Variants in LARP1B observed in about 807,000 individuals in gnomAD.
LARP1B encodes the protein la-related protein 1B.
In LARP1B, 76 loss-of-function variants were observed where a neutral mutation model predicts 114.2. The ratio of observed to expected loss-of-function variants is 0.67; its 90% CI spans 0.55 to 0.81. The LOEUF is 0.81. Ranked by LOEUF, LARP1B falls within the 30% of genes least tolerant of loss-of-function variation. The probability of loss-of-function intolerance (pLI) is 0.00; values close to 1 mark genes in which losing one functional copy is unlikely to be tolerated. For missense variants in LARP1B, 1,014 were observed against 1,075.8 expected (o/e 0.94, Z 0.80); for synonymous variants, 345 against 348.0 (o/e 0.99, Z 0.10).
intron 11 of LARP1B, among the ~76,000 whole-genome samples, chr4:128,133,874 T>C (rs1197969105): frequency 6.6e-6 from 1 of 152,074 alleles, no homozygotes; most frequent in African/African-American, 2.4e-5. Flanking sequence ...TGTTTGTATT[T>C]TTAGTAGAAA....
chr4:128,092,560 C>A (rs1580215025), intron 7 of LARP1B, among the ~76,000 whole-genome samples: 1 of 152,124 alleles, frequency 6.6e-6, no homozygotes, highest in East Asian at 1.9e-4. Flanking sequence ...TGAAATTTTT[C>A]TCTCCTTACA....
intron 1 of LARP1B, among the ~76,000 whole-genome samples, chr4:128,062,570 C>T (rs1035746849): frequency 7.4e-6 from 1 of 134,956 alleles, no homozygotes; most frequent in African/African-American, 2.7e-5. Flanking sequence ...TGCAGTGCTT[C>T]GTATGGGAAA....
intron 15 of LARP1B, among the ~76,000 whole-genome samples, chr4:128,187,242 C>G (rs1750672136): frequency 6.6e-6 from 1 of 152,206 alleles, no homozygotes; most frequent in African/African-American, 2.4e-5. Flanking sequence ...TCCTCAGCCT[C>G]GAAAAGCCAC....
intron 11 of LARP1B, among the ~76,000 whole-genome samples, chr4:128,144,471 C>A (rs1729450470): frequency 6.6e-6 from 1 of 151,922 alleles, no homozygotes; most frequent in Non-Finnish European, 1.5e-5. Context: ...ATATGTTATA[C>A]TATTTGATAA....
chr4:128,211,006 A>G lies in LARP1B; in HGVS notation c.*953A>G, dbSNP rs1758888418. 2 of 921,032 alleles carry G rather than the reference A, an allele frequency of 2.2e-6. No individual in the cohort carries two copies. The highest frequency in any genetic ancestry group is 1.0e-4 in the South Asian group (2 of 19,898). The allele number at this position is 921,032 out of a possible 1,614,324, so 57.1% of individuals were successfully genotyped here. On this transcript the variant is annotated 3_prime_UTR_variant, in exon 20 of 20. Coordinates refer to ENST00000326639, the MANE Select transcript of LARP1B (RefSeq NM_018078.4). ...TTACCTTTTTGTTTATTTTTTGTTT[A>G]ATTTTGTTTTTATAAATGTTTTCAA...
intron 8 of LARP1B, among the ~76,000 whole-genome samples, chr4:128,099,883 C>T (rs1474044134): frequency 1.3e-5 from 2 of 152,110 alleles, no homozygotes; most frequent in Non-Finnish European, 2.9e-5. Context: ...GGACTTGTTC[C>T]TCAGCCTTAT....
At chr4:128,222,358 G>T in exon 8 of LARP1B, 1 of 456,526 alleles carries the variant, frequency 2.2e-6, no homozygotes, top group South Asian at 1.5e-5. Flanking sequence ...GAATCACCAT[G>T]ATCGATTACT....
intron 11 of LARP1B, chr4:128,122,774 A>AT (rs937846507): frequency 3.1e-5 from 36 of 1,162,792 alleles, no homozygotes; most frequent in Admixed American, 1.8e-4. Flanking sequence ...TCTTGTTCTA[A>AT]TTTTTTTTAA....
chr4:128,222,074 A>G (rs1177238548), intron 7 of LARP1B, among the ~76,000 whole-genome samples: 1 of 152,208 alleles, frequency 6.6e-6, no homozygotes, highest in Non-Finnish European at 1.5e-5. Context: ...AAATTAATCT[A>G]CTTAAAACAT....
intron 8 of LARP1B, among the ~76,000 whole-genome samples, chr4:128,098,743 A>ATGTGTGTGTG (rs201554291): frequency 2.5e-4 from 6 of 24,350 alleles, no homozygotes; most frequent in East Asian, 7.9e-4. Flanking sequence ...CTGTATATGT[A>ATGTGTGTGTG]TGTGTATATA....
chr4:128,179,059 C>T (rs747597700), intron 14 of LARP1B, among the ~76,000 whole-genome samples: 1 of 152,168 alleles, frequency 6.6e-6, no homozygotes, highest in African/African-American at 2.4e-5. Flanking sequence ...TGCCACTGCA[C>T]TCCAGCCTTG....
At chr4:128,190,944 A>G (rs1158483009) in intron 15 of LARP1B, among the ~76,000 whole-genome samples, 1 of 151,926 alleles carries the variant, frequency 6.6e-6, no homozygotes, top group Non-Finnish European at 1.5e-5. Flanking sequence ...TGGCTCTTAC[A>G]TTTGTTCTTT....
At position 128,094,010 on chromosome 4, in the gene LARP1B, C is replaced by CT. The variant is rs976109697; in HGVS notation, c.668+2509dup. ...ACAGGCGTGAACCACCGTGCCTGAC[C>CT]TTTTTTTTTTTAAAAACATTTTAAA... On this transcript the variant is annotated intron_variant, in intron 7 of 19. Transcript: ENST00000326639. Among the ~76,000 whole-genome samples, 851 of 146,728 alleles carry CT rather than the reference C, an allele frequency of 5.8e-3. 6 individuals carry two copies. The highest frequency in any genetic ancestry group is 0.017 in the African/African-American group (701 of 40,132).
intron 11 of LARP1B, chr4:128,155,297 G>A (rs1734959079): frequency 2.1e-6 from 1 of 484,106 alleles, no homozygotes; most frequent in African/African-American, 2.0e-5. Flanking sequence ...GCACAGTAGA[G>A]GGCCAAGACA....
chr4:128,172,257 G>A (rs1262221209), intron 12 of LARP1B, among the ~76,000 whole-genome samples: 1 of 151,650 alleles, frequency 6.6e-6, no homozygotes, highest in African/African-American at 2.4e-5. Flanking sequence ...CCTATTTTAA[G>A]CACCTTAATT....
Position 128,122,115 on chromosome 4 carries a change from T to C in LARP1B, c.1451T>C (p.Ile484Thr), listed in dbSNP as rs1490726178. 1.9e-6 allele frequency: 3 copies of C among 1,614,136 alleles called. No individual in the cohort carries two copies. The South Asian group carries it at 3.3e-5, about 18-fold the overall frequency. ...ATCACATCTGAACTTGCTAAAGTTA[T>C]CAATGATGGCTTATACTATTATGAA... ...AKITSELAKVINDGLYYYEQD... is the reference protein window; with the variant it reads ...AKITSELAKVTNDGLYYYEQD... The change falls in exon 11 of 20, where the codon ATC (isoleucine) becomes ACC (threonine). Residue 484 changes from isoleucine (I) to threonine (T), a missense_variant. Physicochemically the swap from Ile to Thr is moderately conservative, Grantham distance 89. Coordinates refer to ENST00000326639, the MANE Select transcript of LARP1B (RefSeq NM_018078.4).
intron 1 of LARP1B, among the ~76,000 whole-genome samples, chr4:128,064,564 CT>C (rs984142292): frequency 1.3e-5 from 2 of 151,858 alleles, no homozygotes; most frequent in African/African-American, 4.8e-5. Flanking sequence ...TAAAGTTTTT[CT>C]TTTTTTTCTT....
chr4:128,177,118 C>T (rs1746576620), intron 13 of LARP1B, among the ~76,000 whole-genome samples: 1 of 151,838 alleles, frequency 6.6e-6, no homozygotes, highest in Admixed American at 6.6e-5. Context: ...ATCTCATATG[C>T]CAGGGTAAAG....
At chr4:128,107,599 T>C in intron 9 of LARP1B, 1 of 1,383,504 alleles carries the variant, frequency 7.2e-7, no homozygotes, top group East Asian at 2.6e-5. Context: ...TAAATAACTA[T>C]AGATATGTAT....
Sources: allele counts gnomAD v4.1 joint callset (sites outside exome capture counted in the v4.1 genomes callset), GRCh38; gene constraint gnomAD v4.1.1; transcripts MANE v1.5; gene names NCBI Gene and HGNC (gene_info 2026-07-23, HGNC 2026-07-21).